The following DOCK2 variants were observed in gnomAD, a reference collection of about 807,000 sequenced individuals.
DOCK2 encodes the protein dedicator of cytokinesis protein 2.
Under a neutral mutation model 248.9 loss-of-function variants are expected in DOCK2, and 87 were observed. The observed-to-expected ratio is 0.35, with a 90% CI of 0.29 to 0.42. The LOEUF is 0.42. Ranked by LOEUF, DOCK2 falls within the 10% of genes least tolerant of loss-of-function variation. The probability of loss-of-function intolerance (pLI) is 1.00; values close to 1 mark genes in which losing one functional copy is unlikely to be tolerated. For missense variants in DOCK2, 1,747 were observed against 2,300.2 expected (o/e 0.76, Z 4.92); for synonymous variants, 805 against 821.6 (o/e 0.98, Z 0.35).
intron 6 of DOCK2, among the ~76,000 whole-genome samples, chr5:169,680,070 C>G (rs991585315): frequency 1.3e-5 from 2 of 152,158 alleles, no homozygotes; most frequent in African/African-American, 4.8e-5. Flanking sequence ...CACCCTACCC[C>G]ACTCCACAAC....
intron 41 of DOCK2, among the ~76,000 whole-genome samples, chr5:170,052,654 C>T (rs1040468433): frequency 1.3e-5 from 2 of 152,148 alleles, no homozygotes; most frequent in Non-Finnish European, 2.9e-5. Flanking sequence ...GTACTTGAAC[C>T]CCATGATCTG....
intron 33 of DOCK2, among the ~76,000 whole-genome samples, chr5:170,020,810 A>T (rs1755694714): frequency 1.3e-5 from 2 of 152,226 alleles, no homozygotes; most frequent in African/African-American, 4.8e-5. Context: ...TCCATGAAGC[A>T]CTGATCCAAC....
chr5:169,690,621 G>A (rs1484142874), intron 9 of DOCK2, among the ~76,000 whole-genome samples: 1 of 152,190 alleles, frequency 6.6e-6, no homozygotes, highest in Non-Finnish European at 1.5e-5. Flanking sequence ...TTACAAGGAG[G>A]AGCCTATTTA....
At chr5:169,959,531 G>C (rs113346818) in intron 27 of DOCK2, among the ~76,000 whole-genome samples, 12 of 152,282 alleles carry the variant, frequency 7.9e-5, no homozygotes, top group African/African-American at 2.9e-4. Flanking sequence ...AGTCCACAGG[G>C]TGATGGAATT....
chr5:169,947,072 A>G (rs1776482083), intron 27 of DOCK2, among the ~76,000 whole-genome samples: 1 of 152,210 alleles, frequency 6.6e-6, no homozygotes. Context: ...AACCTGCAAC[A>G]TACGTTTATC....
intron 25 of DOCK2, among the ~76,000 whole-genome samples, chr5:169,782,907 T>A (rs1765789701): frequency 1.3e-5 from 2 of 152,218 alleles, no homozygotes; most frequent in South Asian, 4.1e-4. Flanking sequence ...AGAGGCAATG[T>A]TTAGAACAGG....
At chr5:169,645,891 A>T (rs1005566260) in intron 1 of DOCK2, among the ~76,000 whole-genome samples, 1 of 151,960 alleles carries the variant, frequency 6.6e-6, no homozygotes, top group Non-Finnish European at 1.5e-5. Context: ...GGGACTACAC[A>T]GGAGCCCACC....
chr5:169,804,437 A>AGTGTGTGTGTGT (rs55660700), intron 26 of DOCK2, among the ~76,000 whole-genome samples: 14 of 134,648 alleles, frequency 1.0e-4, no homozygotes, highest in South Asian at 2.6e-4. Context: ...AGAGCTACAA[A>AGTGTGTGTGTGT]GTGTGTGTGT....
At chr5:169,944,270 T>C (rs549920851) in intron 27 of DOCK2, among the ~76,000 whole-genome samples, 3 of 152,302 alleles carry the variant, frequency 2.0e-5, no homozygotes, top group East Asian at 3.9e-4. Flanking sequence ...GACCTGCCCA[T>C]GCACAGAGGT....
chr5:170,052,914 G>A (rs1756968786), intron 41 of DOCK2, among the ~76,000 whole-genome samples: 1 of 152,206 alleles, frequency 6.6e-6, no homozygotes, highest in African/African-American at 2.4e-5. Context: ...TTGAACTCAG[G>A]CCTACTTTTT....
chr5:169,747,603 G>A, intron 23 of DOCK2, 99 bp downstream of exon 23: 2 of 1,090,430 alleles, frequency 1.8e-6, no homozygotes, highest in Non-Finnish European at 2.6e-6. Flanking sequence ...ATGCAAACTT[G>A]TATCCAGTGA....
intron 25 of DOCK2, among the ~76,000 whole-genome samples, chr5:169,761,958 G>A (rs753879546): frequency 1.3e-5 from 2 of 152,156 alleles, no homozygotes; most frequent in Non-Finnish European, 2.9e-5. Context: ...AGCCTTTCAC[G>A]GGGAAGTTCT....
chr5:169,712,331 C>A lies in DOCK2; in HGVS notation c.1659+108C>A, dbSNP rs1581078872. On this transcript the variant is annotated intron_variant, in intron 17 of 51. Coordinates refer to ENST00000520908, the MANE Select transcript of DOCK2 (RefSeq NM_004946.3). ...GCAGGGACCCCAGAATCACACACAC[C>A]AGAGTTTACCAACTTTGTGGCCTCT... is the stretch of plus-strand genomic sequence containing the variant. 1.8e-5 allele frequency: 16 copies of A among 885,618 alleles called. No homozygotes were observed. The South Asian group carries it at 2.3e-4, about 13-fold the overall frequency. 54.9% of individuals were successfully genotyped at this position (885,618 alleles called of 1,614,324 possible). A position where few individuals can be genotyped will look rare whatever the true frequency, so the allele number is the denominator to read the frequency against.
intron 34 of DOCK2, among the ~76,000 whole-genome samples, chr5:170,032,162 G>A (rs1004928845): frequency 6.6e-6 from 1 of 152,156 alleles, no homozygotes; most frequent in African/African-American, 2.4e-5. Context: ...AAGTAGCTGG[G>A]ACTACAGGCG....
chr5:169,659,374 G>C (rs946640913), intron 2 of DOCK2, among the ~76,000 whole-genome samples: 1 of 152,130 alleles, frequency 6.6e-6, no homozygotes, highest in Non-Finnish European at 1.5e-5. Flanking sequence ...TCTACCACCA[G>C]CCTGGCTCAT....
intron 23 of DOCK2, among the ~76,000 whole-genome samples, chr5:169,757,157 A>T (rs955101203): frequency 4.1e-4 from 62 of 152,048 alleles, no homozygotes; most frequent in African/African-American, 1.5e-3. Flanking sequence ...ACACCTCATC[A>T]CTTCCCACTG....
chr5:169,900,813 T>C (rs1773880297), intron 27 of DOCK2, among the ~76,000 whole-genome samples: 1 of 152,070 alleles, frequency 6.6e-6, no homozygotes, highest in African/African-American at 2.4e-5. Flanking sequence ...AAATATTTCC[T>C]CCTATTACCA....
At chr5:169,717,043 G>A (rs1041486049) in intron 20 of DOCK2, among the ~76,000 whole-genome samples, 2 of 152,082 alleles carry the variant, frequency 1.3e-5, no homozygotes, top group African/African-American at 4.8e-5. Context: ...AATTAATTTA[G>A]GGAAGTGTTG....
chr5:169,864,974 C>A (rs1333483148), intron 27 of DOCK2, among the ~76,000 whole-genome samples: 1 of 152,086 alleles, frequency 6.6e-6, no homozygotes, highest in Non-Finnish European at 1.5e-5. Context: ...TGCGCTAAGT[C>A]CTCCGTATGT....
Sources: gnomAD v4.1 joint callset for allele counts (sites outside exome capture counted in the v4.1 genomes callset) on GRCh38, gnomAD v4.1.1 for gene constraint, MANE v1.5 for transcripts, NCBI Gene and HGNC (gene_info 2026-07-23, HGNC 2026-07-21) for gene names.